CTNNA3: variants seen among roughly 807,000 people sequenced by gnomAD.
CTNNA3 encodes catenin alpha-3.
CTNNA3 carries 76 observed loss-of-function variants against 95.7 expected under a neutral mutation model. The ratio of observed to expected loss-of-function variants is 0.79; its 90% CI spans 0.66 to 0.96. The LOEUF is 0.96. CTNNA3 is among the 40% of genes least tolerant of loss of function. The pLI is 0.00. For synonymous variants in CTNNA3, 431 were observed against 374.4 expected, an observed-to-expected ratio of 1.15 and a Z score of -1.74; for missense variants, 1,191 against 1,089.8, an observed-to-expected ratio of 1.09 and a Z score of -1.31.
intron 7 of CTNNA3, among the ~76,000 whole-genome samples, chr10:66,786,891 A>C (rs1840767782): frequency 6.6e-6 from 1 of 152,144 alleles, no homozygotes; most frequent in African/African-American, 2.4e-5. Context: ...CATGAAAAGG[A>C]GGACAACCTA....
chr10:66,639,391 G>T (rs536403127), intron 9 of CTNNA3, among the ~76,000 whole-genome samples: 1 of 152,276 alleles, frequency 6.6e-6, no homozygotes, highest in African/African-American at 2.4e-5. Context: ...TGCTGATGAA[G>T]TAGAGGTTGC....
At chr10:67,380,801 G>C (rs1411626480) in intron 5 of CTNNA3, among the ~76,000 whole-genome samples, 2 of 152,126 alleles carry the variant, frequency 1.3e-5, no homozygotes, top group African/African-American at 4.8e-5. Context: ...TATAAATGGA[G>C]CAAATTCCTT....
intron 5 of CTNNA3, among the ~76,000 whole-genome samples, chr10:67,450,431 C>A (rs1201853304): frequency 6.6e-6 from 1 of 152,116 alleles, no homozygotes; most frequent in Admixed American, 6.5e-5. Flanking sequence ...ACATATACAC[C>A]ATTCAATGCT....
intron 10 of CTNNA3, among the ~76,000 whole-genome samples, chr10:66,523,873 A>G (rs904013373): frequency 7.2e-5 from 11 of 152,138 alleles, no homozygotes; most frequent in African/African-American, 2.7e-4. Flanking sequence ...ATAACCTTTG[A>G]TAAAATCCTA....
At chr10:67,418,235 A>G (rs1305463669) in intron 5 of CTNNA3, among the ~76,000 whole-genome samples, 1 of 152,190 alleles carries the variant, frequency 6.6e-6, no homozygotes, top group Non-Finnish European at 1.5e-5. Flanking sequence ...CAAACTGACC[A>G]ATTCACCTTG....
chr10:67,302,132 AG>A (rs1271766794), intron 5 of CTNNA3, among the ~76,000 whole-genome samples: 1 of 152,130 alleles, frequency 6.6e-6, no homozygotes, highest in Non-Finnish European at 1.5e-5. Flanking sequence ...GTGAACCTGG[AG>A]GACATTATGT....
At chr10:67,679,567 A>G (rs1840589665) in intron 1 of CTNNA3, among the ~76,000 whole-genome samples, 3 of 152,230 alleles carry the variant, frequency 2.0e-5, no homozygotes, top group Non-Finnish European at 4.4e-5. Flanking sequence ...GTATCAAAAT[A>G]TTATTAATTA....
intron 13 of CTNNA3, among the ~76,000 whole-genome samples, chr10:66,147,194 A>G (rs1372259391): frequency 1.3e-5 from 2 of 152,154 alleles, no homozygotes; most frequent in African/African-American, 2.4e-5. Flanking sequence ...TCTTCTAAGT[A>G]TTAAGAAATT....
chr10:67,161,141 T>A (rs375283242), intron 7 of CTNNA3, among the ~76,000 whole-genome samples: 2 of 152,168 alleles, frequency 1.3e-5, no homozygotes, highest in Admixed American at 6.5e-5. Flanking sequence ...ATTTGATATA[T>A]TGTTCACTTA....
intron 15 of CTNNA3, among the ~76,000 whole-genome samples, chr10:66,035,607 C>A (rs1373599743): frequency 6.7e-6 from 1 of 149,388 alleles, no homozygotes; most frequent in East Asian, 2.0e-4. Flanking sequence ...ATACTTAAAT[C>A]TTTTTAGGTG....
intron 1 of CTNNA3, among the ~76,000 whole-genome samples, chr10:67,704,266 TA>T (rs1386314251): frequency 6.6e-6 from 1 of 152,046 alleles, no homozygotes; most frequent in Admixed American, 6.6e-5. Flanking sequence ...CACAGAATTG[TA>T]AAAAACTGCT....
intron 17 of CTNNA3, among the ~76,000 whole-genome samples, chr10:65,962,425 TTTCACC>T (rs1042493270): frequency 6.6e-5 from 10 of 152,142 alleles, no homozygotes; most frequent in Admixed American, 2.0e-4. Context: ...CTTTCTTCTT[TTTCACC>T]CTTAACACCC....
chr10:66,385,361 G>A (rs563893632), intron 11 of CTNNA3, among the ~76,000 whole-genome samples: 313 of 152,164 alleles, frequency 2.1e-3, no homozygotes, highest in African/African-American at 7.4e-3. Flanking sequence ...TAAATTCCTC[G>A]ACACATATAA....
rs66754859 is a variant in CTNNA3, at chr10:66,241,156, TAA to T, written c.1884+39312_1884+39313del. Among the ~76,000 whole-genome samples the T allele has an allele frequency of 4.6e-5, 7 of 151,322 alleles. No individual in the cohort carries two copies. In the East Asian group the frequency reaches 1.2e-3, roughly 25 times the overall value. The stretch of plus-strand genomic sequence containing the variant: ...ATATTAATTGTCTTCTTAAAAGGGT[TAA>T]AAAAAAACAAAATAAATGCTCATAC... On this transcript the variant is annotated intron_variant, in intron 13 of 17. Coordinates refer to ENST00000433211, the MANE Select transcript of CTNNA3 (RefSeq NM_013266.4).
chr10:67,293,786 G>C (rs995537705), intron 5 of CTNNA3, among the ~76,000 whole-genome samples: 1 of 151,064 alleles, frequency 6.6e-6, no homozygotes, highest in Admixed American at 6.6e-5. Context: ...TTGTCCTTGC[G>C]ATAGTTTGCT....
intron 5 of CTNNA3, among the ~76,000 whole-genome samples, chr10:67,396,755 T>C (rs1844719808): frequency 6.6e-6 from 1 of 151,808 alleles, no homozygotes; most frequent in African/African-American, 2.4e-5. Flanking sequence ...ATAATCCCCA[T>C]GTGTCATGGG....
intron 10 of CTNNA3, among the ~76,000 whole-genome samples, chr10:66,608,713 T>C (rs982561338): frequency 6.6e-6 from 1 of 151,956 alleles, no homozygotes; most frequent in Non-Finnish European, 1.5e-5. Flanking sequence ...CAATAAATGG[T>C]GCTGAGATAA....
intron 7 of CTNNA3, among the ~76,000 whole-genome samples, chr10:66,898,656 G>T (rs1026669201): frequency 8.6e-5 from 13 of 152,022 alleles, no homozygotes; most frequent in African/African-American, 3.1e-4. Context: ...AACAAAACTG[G>T]ATCCTTACCT....
At chr10:67,345,804 A>G (rs1236293732) in intron 5 of CTNNA3, among the ~76,000 whole-genome samples, 1 of 152,030 alleles carries the variant, frequency 6.6e-6, no homozygotes, top group East Asian at 1.9e-4. Flanking sequence ...TTTCGATTGG[A>G]GAGTTTAGTC....
Sources: allele counts gnomAD v4.1 joint callset (sites outside exome capture counted in the v4.1 genomes callset), GRCh38; gene constraint gnomAD v4.1.1; transcripts MANE v1.5; gene names NCBI Gene and HGNC (gene_info 2026-07-23, HGNC 2026-07-21).